The following ZFHX3 variants were observed in gnomAD, a reference collection of about 807,000 sequenced individuals.
The protein encoded by ZFHX3 is zinc finger homeobox protein 3.
A neutral mutation model predicts 279.1 loss-of-function variants in ZFHX3; 42 were observed. The observed-to-expected ratio is 0.15, with a 90% confidence interval of 0.12 to 0.19. The LOEUF (loss-of-function observed/expected upper bound fraction) is 0.19, where lower values mean the gene tolerates loss of function less well. ZFHX3 is among the 10% of genes least tolerant of loss of function. The probability of loss-of-function intolerance (pLI) is 1.00; values close to 1 mark genes in which losing one functional copy is unlikely to be tolerated. For synonymous variants in ZFHX3, 2,293 were observed against 1,957.8 expected, an observed-to-expected ratio of 1.17 and a Z score of -4.52; for missense variants, 4,981 against 4,754.0, an observed-to-expected ratio of 1.05 and a Z score of -1.40.
intron 2 of ZFHX3, among the ~76,000 whole-genome samples, chr16:73,574,302 T>C (rs1361544433): frequency 1.3e-5 from 2 of 151,978 alleles, no homozygotes; most frequent in African/African-American, 2.4e-5. Flanking sequence ...TGACTATGCC[T>C]CCATTGTAAC....
chr16:73,784,799 ATATAT>A (rs1959592071), intron 1 of ZFHX3, among the ~76,000 whole-genome samples: 1 of 118,674 alleles, frequency 8.4e-6, no homozygotes, highest in African/African-American at 3.6e-5. Flanking sequence ...AAAAAAAAAT[ATATAT>A]ATATATATAT....
intron 5 of ZFHX3, among the ~76,000 whole-genome samples, chr16:73,187,945 G>A (rs973437686): frequency 2.6e-5 from 4 of 151,536 alleles, no homozygotes; most frequent in Non-Finnish European, 5.9e-5. Flanking sequence ...TGCAAGCTCC[G>A]CCTCCCAGGT....
chr16:73,183,199 C>A (rs1195507051), intron 5 of ZFHX3, among the ~76,000 whole-genome samples: 2 of 151,834 alleles, frequency 1.3e-5, no homozygotes, highest in Non-Finnish European at 2.9e-5. Flanking sequence ...AGTAAGACTC[C>A]GTCTAAAACA....
At chr16:73,234,165 G>A (rs2012870341) in intron 5 of ZFHX3, among the ~76,000 whole-genome samples, 1 of 152,172 alleles carries the variant, frequency 6.6e-6, no homozygotes, top group African/African-American at 2.4e-5. Context: ...GAATGTTTGG[G>A]TATTTATGTA....
At position 72,787,390 on chromosome 16, in the gene ZFHX3, G is replaced by T. The variant is rs1252486249; in HGVS notation, c.10886C>A (p.Pro3629His). 2 of 1,604,996 alleles carry T rather than the reference G, an allele frequency of 1.2e-6. No individual in the cohort carries two copies. The highest frequency in any genetic ancestry group is 1.7e-5 in the Admixed American group (1 of 59,456). ...TGAGGAGAGAGGAGGAAAAGAAGGG[G>T]GCTTCGCTGCCGAAGCCCGGGAGAC... is the stretch of plus-strand genomic sequence containing the variant. ...QVVSRASAAK[P>H]PSFPPLSSSS... The change falls in exon 10 of 10, where the codon CCC (proline) becomes CAC (histidine). Residue 3629 changes from proline to histidine, a missense_variant. Transcript: ENST00000268489.
At chr16:73,743,067 C>T (rs951909261) in intron 1 of ZFHX3, among the ~76,000 whole-genome samples, 2 of 152,170 alleles carry the variant, frequency 1.3e-5, no homozygotes, top group African/African-American at 2.4e-5. Context: ...CTTGTTTCCA[C>T]ACATAAAGTG....
intron 1 of ZFHX3, among the ~76,000 whole-genome samples, chr16:73,798,762 G>A (rs887754883): frequency 1.3e-5 from 2 of 152,200 alleles, no homozygotes; most frequent in Non-Finnish European, 2.9e-5. Flanking sequence ...GGTAACCACA[G>A]GGTGCTTAAG....
intron 1 of ZFHX3, among the ~76,000 whole-genome samples, chr16:73,057,547 A>AG (rs1441248577): frequency 3.3e-5 from 5 of 150,590 alleles, no homozygotes; most frequent in Non-Finnish European, 5.9e-5. Context: ...AAAAAAAAAA[A>AG]AAAGAAGAAG....
rs909946209 is a variant in ZFHX3, at chr16:73,580,283, T to C, written c.-1547+99897A>G. On this transcript the variant is annotated intron_variant, in intron 2 of 17. Coordinates refer to the ZFHX3 transcript ENST00000641206. Reference sequence around the variant, plus strand: ...TCACAAGGTCAAGAGGTTGAGACCATCCTGGCCAACATGGTGAAACCCCAT... The same window carrying C: ...TCACAAGGTCAAGAGGTTGAGACCACCCTGGCCAACATGGTGAAACCCCAT... 1.1e-4 allele frequency among the ~76,000 whole-genome samples: 17 copies of C among 151,754 alleles called. 1 individual carries two copies. The highest frequency in any genetic ancestry group is 3.9e-4 in the Admixed American group (6 of 15,236).
chr16:73,175,736 G>C (rs1235441464), intron 5 of ZFHX3, among the ~76,000 whole-genome samples: 2 of 151,910 alleles, frequency 1.3e-5, no homozygotes, highest in African/African-American at 4.8e-5. Context: ...TTTATCCTTT[G>C]GGTTCAAGTT....
chr16:73,422,197 A>ATTTT (rs34462342), intron 3 of ZFHX3, among the ~76,000 whole-genome samples: 3 of 144,574 alleles, frequency 2.1e-5, no homozygotes, highest in Non-Finnish European at 1.5e-5. Flanking sequence ...TTTTCAGAAG[A>ATTTT]TTTTTTTTTT....
At chr16:73,239,642 T>C (rs1158213572) in intron 5 of ZFHX3, among the ~76,000 whole-genome samples, 1 of 152,146 alleles carries the variant, frequency 6.6e-6, no homozygotes, top group African/African-American at 2.4e-5. Flanking sequence ...GGCACTCAAT[T>C]AGTACCTGGT....
At chr16:73,453,633 T>C (rs1317746903) in intron 3 of ZFHX3, among the ~76,000 whole-genome samples, 2 of 152,146 alleles carry the variant, frequency 1.3e-5, no homozygotes, top group African/African-American at 4.8e-5. Flanking sequence ...GTGGATTCCA[T>C]ATGGAAAAGC....
intron 1 of ZFHX3, among the ~76,000 whole-genome samples, chr16:73,019,022 G>A (rs1268878549): frequency 2.0e-5 from 3 of 152,162 alleles, no homozygotes; most frequent in Admixed American, 1.3e-4. Flanking sequence ...ATCCCTCGAT[G>A]CATCATTCCC....
intron 1 of ZFHX3, among the ~76,000 whole-genome samples, chr16:73,746,243 T>C (rs1057128344): frequency 2.0e-5 from 3 of 152,154 alleles, no homozygotes; most frequent in Non-Finnish European, 4.4e-5. Flanking sequence ...AGCACTATGT[T>C]ACTCTTACCA....
chr16:73,023,989 G>A (rs767523433), intron 1 of ZFHX3, among the ~76,000 whole-genome samples: 26 of 152,162 alleles, frequency 1.7e-4, no homozygotes, highest in Non-Finnish European at 3.1e-4. Context: ...CCCAGAGAAG[G>A]ACGTCCTGGA....
intron 1 of ZFHX3, among the ~76,000 whole-genome samples, chr16:73,822,334 T>C (rs915252638): frequency 1.3e-5 from 2 of 152,190 alleles, no homozygotes; most frequent in Non-Finnish European, 2.9e-5. Context: ...TCAGTCATAT[T>C]AGGTTCCTGC....
intron 3 of ZFHX3, among the ~76,000 whole-genome samples, chr16:72,909,750 C>A (rs1476086024): frequency 6.6e-6 from 1 of 151,712 alleles, no homozygotes; most frequent in African/African-American, 2.4e-5. Context: ...TGGTGGCGTG[C>A]ACCTGCAGTC....
chr16:73,241,334 CA>C (rs1397203394), intron 5 of ZFHX3, among the ~76,000 whole-genome samples: 2 of 152,134 alleles, frequency 1.3e-5, no homozygotes, highest in African/African-American at 4.8e-5. Context: ...CATCTTGTTG[CA>C]AAGAATGGAT....
Sources: gnomAD v4.1 joint callset for allele counts (sites outside exome capture counted in the v4.1 genomes callset) on GRCh38, gnomAD v4.1.1 for gene constraint, MANE v1.5 for transcripts, NCBI Gene and HGNC (gene_info 2026-07-23, HGNC 2026-07-21) for gene names.